Variants in C3orf18 observed in about 807,000 individuals in gnomAD.
The protein encoded by C3orf18 is uncharacterized protein C3orf18.
C3orf18 carries 12 observed loss-of-function variants against 14.1 expected under a neutral mutation model. The ratio of observed to expected loss-of-function variants is 0.85; its 90% CI spans 0.55 to 1.38. The LOEUF is 1.38. Among genes scored for constraint, C3orf18 ranks in the 40% most tolerant of loss-of-function variants. The probability of loss-of-function intolerance (pLI) is 0.00; values close to 1 mark genes in which losing one functional copy is unlikely to be tolerated. For synonymous variants in C3orf18, 82 were observed against 87.9 expected (o/e 0.93, Z 0.38); for missense variants, 196 against 213.9 (o/e 0.92, Z 0.52).
In C3orf18 at chr3:50,565,957, G is replaced by A; in HGVS notation, c.-163+49C>T. 1 of 521,244 alleles carries A rather than the reference G, an allele frequency of 1.9e-6. No homozygotes were observed. The highest frequency in any genetic ancestry group is 3.4e-6 in the Non-Finnish European group (1 of 290,714). The allele number at this position is 521,244 out of a possible 1,614,324, so 32.3% of individuals were successfully genotyped here. On this transcript the variant is annotated intron_variant, in intron 2 of 5. Coordinates refer to ENST00000357203, the MANE Select transcript of C3orf18 (RefSeq NM_016210.5). This position sits in a 1 kb window ranked among gnomAD's most constrained non-coding sequence, Gnocchi z 4.4. ...TTCTGAAAGCACTGGGGAGGTAAAGGTTTGAGGGCAAGAATGAGGGTAAGT... is the reference window on the plus strand; with the variant it reads ...TTCTGAAAGCACTGGGGAGGTAAAGATTTGAGGGCAAGAATGAGGGTAAGT...
chr3:50,571,923 G>A (rs1701012022), upstream of C3orf18: 4 of 1,305,844 alleles, frequency 3.1e-6, no homozygotes, highest in Admixed American at 3.6e-5. Flanking sequence ...TTGGGGTGCA[G>A]GAGTGGCAAG....
rs1699771219 is a variant in C3orf18, at chr3:50,558,211, C to G, written c.*1446G>C. 6.4e-6 allele frequency: 1 copy of G among 156,336 alleles called. No homozygotes were observed. Among genetic ancestry groups the G allele is most frequent in the African/African-American group, 2.4e-5 (1 of 41,476 alleles). The allele number at this position is 156,336 out of a possible 1,614,324, so 9.7% of individuals were successfully genotyped here. A position where few individuals can be genotyped will look rare whatever the true frequency, so the allele number is the denominator to read the frequency against. On this transcript the variant is annotated 3_prime_UTR_variant, in exon 6 of 6. Coordinates refer to ENST00000357203, the MANE Select transcript of C3orf18 (RefSeq NM_016210.5). ...ATGGGGGCTTCCTAGGCCTTTCCCTCCTGACACATGGCATTTGCCCAGTGG... is the reference window on the plus strand; with the variant it reads ...ATGGGGGCTTCCTAGGCCTTTCCCTGCTGACACATGGCATTTGCCCAGTGG...
chr3:50,563,254 T>C (rs1700097419), intron 3 of C3orf18, among the ~76,000 whole-genome samples: 1 of 152,080 alleles, frequency 6.6e-6, no homozygotes, highest in Non-Finnish European at 1.5e-5. Flanking sequence ...GTGGGTAGGC[T>C]GTGACAGGAA....
rs140239095 is a variant in C3orf18, at chr3:50,558,836, G to A, written c.*821C>T. On this transcript the variant is annotated 3_prime_UTR_variant, in exon 6 of 6. Coordinates refer to ENST00000357203, the MANE Select transcript of C3orf18 (RefSeq NM_016210.5). ...CACTACATACCATGGGGTAGAGGTCGACTTGGAGGGTGGGGCCAGTGTGGA... is the reference window on the plus strand; with the variant it reads ...CACTACATACCATGGGGTAGAGGTCAACTTGGAGGGTGGGGCCAGTGTGGA... The A allele has an allele frequency of 5.7e-3, 7,345 of 1,289,848 alleles. 26 individuals carry two copies. Among genetic ancestry groups the A allele is most frequent in the Non-Finnish European group, 6.9e-3 (6,811 of 988,868 alleles). The allele number at this position is 1,289,848 out of a possible 1,614,324, so 79.9% of individuals were successfully genotyped here.
intron 3 of C3orf18, among the ~76,000 whole-genome samples, chr3:50,564,834 C>A (rs908355191): frequency 1.3e-5 from 2 of 152,238 alleles, no homozygotes; most frequent in Non-Finnish European, 2.9e-5. Context: ...TGCAACCCCA[C>A]ATCCACTGCC....
chr3:50,571,728 G>A (rs771722650), upstream of C3orf18: 3 of 1,614,184 alleles, frequency 1.9e-6, no homozygotes, highest in South Asian at 1.1e-5. Context: ...CCTGAGGCCG[G>A]CACTTTGGAC....
intron 1 of C3orf18, among the ~76,000 whole-genome samples, chr3:50,567,084 G>T (rs1365246184): frequency 6.6e-6 from 1 of 152,168 alleles, no homozygotes; most frequent in Non-Finnish European, 1.5e-5. Flanking sequence ...GGGTAGAAAG[G>T]CTCATCCCTC....
Position 50,558,980 on chromosome 3 carries a change from C to A in C3orf18, c.*677G>T. ...GGCTGCATCCTTCCACTTCCATTCC[C>A]CTACTTCCTTCCCCCTCAGCTCCCA... On this transcript the variant is annotated 3_prime_UTR_variant, in exon 6 of 6. Coordinates refer to ENST00000357203, the MANE Select transcript of C3orf18 (RefSeq NM_016210.5). 7.8e-7 allele frequency: 1 copy of A among 1,289,130 alleles called. No individual in the cohort carries two copies. The highest frequency in any genetic ancestry group is 1.0e-6 in the Non-Finnish European group (1 of 988,444). The allele number at this position is 1,289,130 out of a possible 1,614,324, so 79.9% of individuals were successfully genotyped here.
At position 50,559,756 on chromosome 3, in the gene C3orf18, G is replaced by A. The variant is rs1456766265; in HGVS notation, c.409-19C>T. 1.3e-6 allele frequency: 2 copies of A among 1,532,596 alleles called. No homozygotes were observed. The highest frequency in any genetic ancestry group is 1.8e-6 in the Non-Finnish European group (2 of 1,129,486). The allele number at this position is 1,532,596 out of a possible 1,614,324, so 94.9% of individuals were successfully genotyped here. ...GAGTAGTCTGCAGGAAGACAGGCAG[G>A]GGCATCAGAGACCATGGGCAAGGCC... On this transcript the variant is annotated intron_variant, in intron 5 of 5. Transcript: ENST00000357203.
chr3:50,562,024 T>C (rs768159436), intron 3 of C3orf18: 11 of 587,588 alleles, frequency 1.9e-5, no homozygotes, highest in Admixed American at 1.8e-4. Flanking sequence ...CTAAGCCTCC[T>C]GAGTAGCTAG....
chr3:50,572,309 C>T (rs1036706539), upstream of C3orf18: 7 of 1,258,384 alleles, frequency 5.6e-6, no homozygotes, highest in Non-Finnish European at 5.6e-6. Context: ...GGCCCCATGA[C>T]TTCAGGGACA....
chr3:50,562,359 C>T (rs531625529), intron 3 of C3orf18: 4 of 401,380 alleles, frequency 1.0e-5, no homozygotes, highest in Admixed American at 2.8e-5. Flanking sequence ...TAGCTCCAGC[C>T]ACTCAGCACC....
chr3:50,560,457 G>A (rs990341298), intron 5 of C3orf18, among the ~76,000 whole-genome samples: 3 of 152,196 alleles, frequency 2.0e-5, no homozygotes, highest in Non-Finnish European at 2.9e-5. Flanking sequence ...CAGAGGTACC[G>A]CTGTCCAAGA....
intron 3 of C3orf18, among the ~76,000 whole-genome samples, chr3:50,564,926 T>C (rs939273750): frequency 6.6e-6 from 1 of 152,226 alleles, no homozygotes; most frequent in African/African-American, 2.4e-5. Context: ...TTGGAACTCC[T>C]TGACTACTAT....
rs1278270704 is a variant in C3orf18, at chr3:50,558,610, C to A, written c.*1047G>T. 9.3e-7 allele frequency: 1 copy of A among 1,075,250 alleles called. No homozygotes were observed. The highest frequency in any genetic ancestry group is 1.2e-6 in the Non-Finnish European group (1 of 820,566). 66.6% of individuals were successfully genotyped at this position (1,075,250 alleles called of 1,614,324 possible). On this transcript the variant is annotated 3_prime_UTR_variant, in exon 6 of 6. Coordinates refer to ENST00000357203, the MANE Select transcript of C3orf18 (RefSeq NM_016210.5). ...AGTCATAACTGCCCCCTCTAGCCTG[C>A]AGCCTGTGATTACTGCCCTCAGACC...
chr3:50,560,861 G>T, intron 5 of C3orf18, 56 bp downstream of exon 5: 2 of 1,532,882 alleles, frequency 1.3e-6, no homozygotes, highest in East Asian at 2.3e-5. Flanking sequence ...GAGGGAGGGT[G>T]AGGGTGGAGG....
Position 50,565,580 on chromosome 3 carries a change from C to A in C3orf18, c.120G>T (p.Glu40Asp). ...TTCTGGTGTCATTAAAGGTGGTGGC[C>A]TCTGGGCTGAGGGTAGTGGTCTCGG... ...PASETTTLSP[E>D]ATTFNDTRIP... Residue 40 changes from glutamate to aspartate, a missense_variant, in exon 3 of 6, where the codon GAG (glutamate) becomes GAT (aspartate). Glu to Asp is a conservative substitution (Grantham distance 45, BLOSUM62 2). Transcript: ENST00000357203. This position sits in a 1 kb window ranked among gnomAD's most constrained non-coding sequence, Gnocchi z 4.4. 1 of 1,613,940 alleles carries A rather than the reference C, an allele frequency of 6.2e-7. No homozygotes were observed. Among genetic ancestry groups the A allele is most frequent in the Non-Finnish European group, 8.5e-7 (1 of 1,180,000 alleles).
At position 50,565,401 on chromosome 3, in the gene C3orf18, G is replaced by T; in HGVS notation, c.234+65C>A. ...AATAACAACAACCAGATTGTCTTCT[G>T]ATTGATTAGGTTCTCTATAAATCTA... On this transcript the variant is annotated intron_variant, in intron 3 of 5. Transcript: ENST00000357203. The surrounding 1 kb of genome is among the most constrained non-coding windows in gnomAD (Gnocchi z 4.4). The T allele has an allele frequency of 8.3e-7, 1 of 1,211,396 alleles. No individual in the cohort carries two copies. The highest frequency in any genetic ancestry group is 1.9e-5 in the Admixed American group (1 of 51,806). The allele number at this position is 1,211,396 out of a possible 1,614,324, so 75.0% of individuals were successfully genotyped here. A position where few individuals can be genotyped will look rare whatever the true frequency, so the allele number is the denominator to read the frequency against.
In C3orf18 at chr3:50,558,236, G is replaced by A. The variant is rs940489878; in HGVS notation, c.*1421C>T. 2 of 156,774 alleles carry A rather than the reference G, an allele frequency of 1.3e-5. No homozygotes were observed. Among genetic ancestry groups the A allele is most frequent in the African/African-American group, 4.8e-5 (2 of 41,484 alleles). 9.7% of individuals were successfully genotyped at this position (156,774 alleles called of 1,614,324 possible). On this transcript the variant is annotated 3_prime_UTR_variant, in exon 6 of 6. Coordinates refer to ENST00000357203, the MANE Select transcript of C3orf18 (RefSeq NM_016210.5). ...CCTGACACATGGCATTTGCCCAGTG[G>A]AAGGTCTGCATACACTACCCCTGCA...
Sources: allele counts gnomAD v4.1 joint callset (sites outside exome capture counted in the v4.1 genomes callset), GRCh38; gene constraint gnomAD v4.1.1; non-coding constraint Gnocchi (gnomAD v3.1); transcripts MANE v1.5; gene names NCBI Gene and HGNC (gene_info 2026-07-23, HGNC 2026-07-21).